The following MGAM variants were observed in gnomAD, a reference collection of about 807,000 sequenced individuals.
MGAM encodes maltase-glucoamylase, also known as alpha-1,4-glucosidase.
A neutral mutation model predicts 358.8 loss-of-function variants in MGAM; 253 were observed. The ratio of observed to expected loss-of-function variants is 0.71; its 90% CI spans 0.64 to 0.78. The LOEUF (loss-of-function observed/expected upper bound fraction) is 0.78. Ranked by LOEUF, MGAM falls within the 30% of genes least tolerant of loss-of-function variation. The pLI is 0.00. For missense variants in MGAM, 3,080 were observed against 3,432.6 expected (o/e 0.90, Z 2.57); for synonymous variants, 1,105 against 1,227.1 (o/e 0.90, Z 2.08).
chr7:142,098,047 T>G (rs2129063778), intron 66 of MGAM, among the ~76,000 whole-genome samples: 1 of 152,296 alleles, frequency 6.6e-6, no homozygotes. Flanking sequence ...GGCCTTTTTG[T>G]CTCTGTCTTT....
At chr7:142,083,246 G>A in intron 52 of MGAM, 55 bp from the exon 53 acceptor site, 1 of 1,308,184 alleles carries the variant, frequency 7.6e-7, no homozygotes, top group African/African-American at 1.4e-5. Context: ...GATTTCAGGG[G>A]TGATTCATGA....
chr7:142,100,785 C>T lies in MGAM; in HGVS notation c.7875-17C>T. ...GGCTTTACTTTTAGCTAATGCCTCT[C>T]TGCCTGCTCACTGCAGCCGCCAGAA... On this transcript the variant is annotated splice_polypyrimidine_tract_variant and intron_variant, in intron 67 of 70. Coordinates refer to ENST00000475668, the MANE Select transcript of MGAM (RefSeq NM_001365693.1). The T allele has an allele frequency of 6.2e-7, 1 of 1,602,510 alleles. No homozygotes were observed. Among genetic ancestry groups the T allele is most frequent in the Non-Finnish European group, 8.5e-7 (1 of 1,173,920 alleles).
chr7:142,067,238 G>A lies in MGAM; in HGVS notation c.4920-103G>A, dbSNP rs142866534. ...AGGAACAAAGCAAGGATGGCTCAGG[G>A]GCAGCTGTATTTCCGACTTGGATCT... On this transcript the variant is annotated intron_variant, in intron 41 of 70. Transcript: ENST00000475668. 3.2e-3 allele frequency: 3,261 copies of A among 1,018,842 alleles called. 176 individuals carry two copies. The African/African-American group carries it at 0.044, about 14-fold the overall frequency. The allele number at this position is 1,018,842 out of a possible 1,614,324, so 63.1% of individuals were successfully genotyped here.
chr7:142,097,054 G>A (rs1348820177), intron 65 of MGAM, among the ~76,000 whole-genome samples: 3 of 151,496 alleles, frequency 2.0e-5, no homozygotes, highest in Non-Finnish European at 2.9e-5. Flanking sequence ...TCAACCTGCC[G>A]AGTAGCTAGG....
intron 5 of MGAM, 62 bp downstream of exon 5, chr7:142,021,145 G>C: frequency 8.3e-7 from 1 of 1,200,208 alleles, no homozygotes; most frequent in Non-Finnish European, 1.2e-6. Flanking sequence ...TATCGGATGA[G>C]TGCAGTTACT....
At chr7:142,065,928 T>C (rs1812694662) in intron 40 of MGAM, 97 bp downstream of exon 40, 1 of 1,011,066 alleles carries the variant, frequency 9.9e-7, no homozygotes, top group South Asian at 1.6e-5. Flanking sequence ...TCCTGGGATA[T>C]CTTTAAAAAA....
intron 57 of MGAM, among the ~76,000 whole-genome samples, chr7:142,090,060 A>T (rs1182967401): frequency 6.8e-6 from 1 of 146,046 alleles, no homozygotes; most frequent in Non-Finnish European, 1.5e-5. Flanking sequence ...AATGTGCCAC[A>T]AAAAGAGTGC....
At chr7:142,020,034 G>C (rs1046389930) in intron 4 of MGAM, among the ~76,000 whole-genome samples, 1 of 149,124 alleles carries the variant, frequency 6.7e-6, no homozygotes, top group Admixed American at 6.7e-5. Flanking sequence ...GTGCCACTTC[G>C]CTCCAGCCTG....
rs1377155175 is a variant in MGAM, at chr7:142,053,945, C to A, written c.3160-809C>A. Among the ~76,000 whole-genome samples the A allele has an allele frequency of 2.0e-5, 3 of 152,184 alleles. No individual in the cohort carries two copies. In the East Asian group the frequency reaches 5.8e-4, roughly 29 times the overall value. On this transcript the variant is annotated intron_variant, in intron 26 of 70. Coordinates refer to ENST00000475668, the MANE Select transcript of MGAM (RefSeq NM_001365693.1). ...AACCATTGCCTACTCTACCTCTTGACCGTAGAGTAACTCTTTCCAAAATAT... is the reference window on the plus strand; with the variant it reads ...AACCATTGCCTACTCTACCTCTTGAACGTAGAGTAACTCTTTCCAAAATAT...
In MGAM at chr7:142,005,722, C is replaced by T. The variant is rs1024877495; in HGVS notation, c.127+65C>T. 43 of 1,484,706 alleles carry T rather than the reference C, an allele frequency of 2.9e-5. 1 individual carries two copies. In the Middle Eastern group the frequency reaches 5.9e-3, roughly 203 times the overall value. The allele number at this position is 1,484,706 out of a possible 1,614,324, so 92.0% of individuals were successfully genotyped here. ...TATTAGAGCAAACCTTCAACAATGT[C>T]AGGAAAGTAATGCTTTCATGCTCAT... On this transcript the variant is annotated intron_variant, in intron 2 of 70. Transcript: ENST00000475668.
rs1554461435 is a variant in MGAM at position 142,027,640 on chromosome 7, T to A, written c.1126T>A (p.Trp376Arg). 2 of 1,613,828 alleles carry A rather than the reference T, an allele frequency of 1.2e-6. No homozygotes were observed. The highest frequency in any genetic ancestry group is 1.7e-6 in the Non-Finnish European group (2 of 1,179,766). Reference protein sequence around the residue: ...LIGRPALPSYWALGFHLSRYE... With the variant: ...LIGRPALPSYRALGFHLSRYE... ...TGGGCGGCCAGCCCTTCCCTCCTAC[T>A]GGGCGCTTGGATTTCACCTCAGTCG... The change falls in exon 10 of 71, where the codon TGG becomes AGG. Residue 376 changes from tryptophan to arginine, a missense_variant. Transcript: ENST00000475668.
rs372791404 is a variant in MGAM, at chr7:142,096,350, A to G, written c.7627A>G (p.Thr2543Ala). 3.2e-5 allele frequency: 52 copies of G among 1,613,532 alleles called. No individual in the cohort carries two copies. The African/African-American group carries it at 6.3e-4, about 19-fold the overall frequency. ...LLHEFVSDQV[T>A]WDIDSQFLLG... is the part of the protein sequence containing the mutation. ...TTCCAGGTTTGTGTCAGACCAGGTG[A>G]CATGGGACATAGACAGTCAGTTCCT... is the stretch of plus-strand genomic sequence containing the variant. Residue 2543 changes from threonine (T) to alanine (A), a missense_variant, in exon 65 of 71, where the codon ACA (threonine) becomes GCA (alanine). Physicochemically the swap from Thr to Ala is moderately conservative, Grantham distance 58 (BLOSUM62 0). Around this residue, in one of 5 missense-constraint regions of MGAM, gnomAD observed 932 missense variants for 1,198.2 expected, o/e 0.78. Coordinates refer to ENST00000475668, the MANE Select transcript of MGAM (RefSeq NM_001365693.1).
At chr7:142,066,293 A>C (rs1328769128) in intron 40 of MGAM, among the ~76,000 whole-genome samples, 2 of 145,930 alleles carry the variant, frequency 1.4e-5, no homozygotes, top group Non-Finnish European at 3.1e-5. Context: ...AATGAACCAT[A>C]TTCCTCATTG....
At chr7:142,025,264 A>G in intron 8 of MGAM, 115 bp downstream of exon 8, 1 of 722,686 alleles carries the variant, frequency 1.4e-6, no homozygotes, top group South Asian at 1.8e-5. Flanking sequence ...TAGTGTAGGG[A>G]GGGCCTTATA....
chr7:142,034,956 A>T, intron 16 of MGAM, 115 bp downstream of exon 16: 1 of 987,968 alleles, frequency 1.0e-6, no homozygotes. Flanking sequence ...GGGATTTAAT[A>T]TCTTGAGAGC....
intron 21 of MGAM, among the ~76,000 whole-genome samples, chr7:142,045,244 A>ATC (rs1810002749): frequency 4.2e-5 from 2 of 47,674 alleles, no homozygotes; most frequent in African/African-American, 7.9e-5. Flanking sequence ...TATATCATAT[A>ATC]ATATATGATA....
chr7:142,021,100 T>C lies in MGAM; in HGVS notation c.558+17T>C, dbSNP rs782397453. 2.6e-6 allele frequency: 4 copies of C among 1,562,012 alleles called. No individual in the cohort carries two copies. The highest frequency in any genetic ancestry group is 3.5e-6 in the Non-Finnish European group (4 of 1,152,924). ...CACTTTAAGGTTGTAATTTGTTTATTTTTTTTTAAGTTTTTTTGAGAGACT... is the reference window on the plus strand; with the variant it reads ...CACTTTAAGGTTGTAATTTGTTTATCTTTTTTTAAGTTTTTTTGAGAGACT... On this transcript the variant is annotated intron_variant, in intron 5 of 70. Coordinates refer to ENST00000475668, the MANE Select transcript of MGAM (RefSeq NM_001365693.1).
At chr7:142,021,231 A>G (rs1806429375) in intron 5 of MGAM, 148 bp downstream of exon 5, 7 of 619,280 alleles carry the variant, frequency 1.1e-5, no homozygotes, top group South Asian at 1.1e-4. Flanking sequence ...TGTTAAAGAC[A>G]TATACAGAAT....
rs142833989 is a variant in MGAM, at chr7:142,063,417, T to G, written c.4258-82T>G. 1,389 of 1,512,210 alleles carry G rather than the reference T, an allele frequency of 9.2e-4. 8 individuals are homozygous for G. The African/African-American group carries it at 0.015, about 16-fold the overall frequency. 93.7% of individuals were successfully genotyped at this position (1,512,210 alleles called of 1,614,324 possible). On this transcript the variant is annotated intron_variant, in intron 35 of 70. Transcript: ENST00000475668. ...CAGAGATTACTGGATGTTGAACAAT[T>G]TATTCACTACTTCCTTGGCTCAGAA...
Sources: gnomAD v4.1 joint callset for allele counts (sites outside exome capture counted in the v4.1 genomes callset) on GRCh38, gnomAD v4.1.1 for gene constraint, gnomAD v4.1.1 regional missense constraint, MANE v1.5 for transcripts, NCBI Gene and HGNC (gene_info 2026-07-23, HGNC 2026-07-21) for gene names.